Variants in GALNT13 observed in about 807,000 individuals in gnomAD.
The protein encoded by GALNT13 is UDP-GalNAc:polypeptide N-acetylgalactosaminyltransferase 13.
GALNT13 carries 28 observed loss-of-function variants against 64.2 expected under a neutral mutation model. The observed-to-expected ratio is 0.44, with a 90% CI of 0.32 to 0.60. The LOEUF is 0.60. GALNT13 is among the 20% of genes least tolerant of loss of function. The probability of loss-of-function intolerance (pLI) is 0.05; values close to 1 mark genes in which losing one functional copy is unlikely to be tolerated. For synonymous variants in GALNT13, 214 were observed against 224.6 expected, an observed-to-expected ratio of 0.95 and a Z score of 0.42; for missense variants, 577 against 669.8, an observed-to-expected ratio of 0.86 and a Z score of 1.53.
the GALNT13 span, among the ~76,000 whole-genome samples, chr2:153,305,491 C>A: frequency 6.6e-6 from 1 of 152,158 alleles, no homozygotes; most frequent in Non-Finnish European, 1.5e-5. Context: ...AATCTCTGAA[C>A]TGTAATTCAT....
chr2:153,971,130 C>G (rs1574236485), intron 3 of GALNT13, among the ~76,000 whole-genome samples: 1 of 152,142 alleles, frequency 6.6e-6, no homozygotes, highest in Non-Finnish European at 1.5e-5. Flanking sequence ...GCTAACTCTT[C>G]TGTATGTAAT....
At chr2:153,126,399 T>C in the GALNT13 span, among the ~76,000 whole-genome samples, 2 of 148,336 alleles carry the variant, frequency 1.3e-5, no homozygotes, top group African/African-American at 2.5e-5. Flanking sequence ...TATTTAATAA[T>C]AAAGAACGAA....
chr2:153,752,628 G>A, the GALNT13 span, among the ~76,000 whole-genome samples: 9 of 151,872 alleles, frequency 5.9e-5, no homozygotes, highest in Admixed American at 3.9e-4. Flanking sequence ...TTGGATCCTC[G>A]TTGTATGTTA....
chr2:153,471,947 T>C, the GALNT13 span, among the ~76,000 whole-genome samples: 113 of 152,306 alleles, frequency 7.4e-4, 1 homozygote, highest in Admixed American at 3.3e-4. Context: ...TCATTTCTAG[T>C]CTGTAGTAGA....
the GALNT13 span, among the ~76,000 whole-genome samples, chr2:153,664,520 C>T: frequency 6.6e-6 from 1 of 152,012 alleles, no homozygotes. Flanking sequence ...TCACAAGGTC[C>T]TGGGGCAACA....
chr2:153,974,401 C>T (rs186711800), intron 3 of GALNT13, among the ~76,000 whole-genome samples: 1 of 152,148 alleles, frequency 6.6e-6, no homozygotes, highest in Non-Finnish European at 1.5e-5. Flanking sequence ...TTGTGAGCCT[C>T]AGTTTTTTCA....
Position 153,996,374 on chromosome 2 carries a change from C to T in GALNT13, c.142+51735C>T, listed in dbSNP as rs149149677. Among the ~76,000 whole-genome samples the T allele has an allele frequency of 2.1e-3, 318 of 152,232 alleles. 1 individual carries two copies. Among genetic ancestry groups the T allele is most frequent in the African/African-American group, 7.6e-3 (314 of 41,566 alleles). On this transcript the variant is annotated intron_variant, in intron 3 of 12. Coordinates refer to ENST00000392825, the MANE Select transcript of GALNT13 (RefSeq NM_052917.4). ...GTATTTTTGATAATAGCTATTCTAA[C>T]TGGGATAAGGTGATATCTTATTATG... is the stretch of plus-strand genomic sequence containing the variant.
At chr2:153,240,105 C>A in the GALNT13 span, among the ~76,000 whole-genome samples, 8 of 152,232 alleles carry the variant, frequency 5.3e-5, no homozygotes, top group East Asian at 9.7e-4. Flanking sequence ...AATTTGTTGG[C>A]ATATAGTTGC....
At chr2:154,042,634 C>T (rs1411945207) in intron 3 of GALNT13, among the ~76,000 whole-genome samples, 1 of 147,412 alleles carries the variant, frequency 6.8e-6, no homozygotes, top group Non-Finnish European at 1.5e-5. Flanking sequence ...AAATGTCAGT[C>T]TTATGGCTGC....
the GALNT13 span, among the ~76,000 whole-genome samples, chr2:153,279,373 G>A: frequency 2.0e-5 from 3 of 151,930 alleles, no homozygotes; most frequent in Non-Finnish European, 2.9e-5. Flanking sequence ...GACTGCTCTG[G>A]CTAGGACTTG....
At chr2:154,086,466 T>C (rs941210675) in intron 3 of GALNT13, among the ~76,000 whole-genome samples, 2 of 149,106 alleles carry the variant, frequency 1.3e-5, no homozygotes, top group South Asian at 2.1e-4. Flanking sequence ...ATATTATTTA[T>C]ATAAATCTTA....
chr2:153,459,836 G>C, the GALNT13 span, among the ~76,000 whole-genome samples: 1 of 152,108 alleles, frequency 6.6e-6, no homozygotes, highest in Non-Finnish European at 1.5e-5. Flanking sequence ...AAGCCACATT[G>C]TGTAGAAACA....
intron 8 of GALNT13, among the ~76,000 whole-genome samples, chr2:154,298,737 A>ACATTGTATATACAAT (rs1559076134): frequency 1.2e-5 from 1 of 82,970 alleles, no homozygotes; most frequent in Non-Finnish European, 2.4e-5. Flanking sequence ...ATTTATATAT[A>ACATTGTATATACAAT]GTATATATAA....
At chr2:153,699,541 G>A in the GALNT13 span, among the ~76,000 whole-genome samples, 1 of 151,902 alleles carries the variant, frequency 6.6e-6, no homozygotes, top group Non-Finnish European at 1.5e-5. Flanking sequence ...AAAAATCAAT[G>A]AATCCAGGAG....
At chr2:154,241,311 C>G (rs1689478171) in intron 4 of GALNT13, among the ~76,000 whole-genome samples, 1 of 152,156 alleles carries the variant, frequency 6.6e-6, no homozygotes, top group Non-Finnish European at 1.5e-5. Context: ...AGGGACCACG[C>G]CCTCTTCTAC....
At chr2:153,614,041 TTGAG>T in the GALNT13 span, among the ~76,000 whole-genome samples, 5 of 151,854 alleles carry the variant, frequency 3.3e-5, no homozygotes, top group African/African-American at 9.7e-5. Flanking sequence ...AAGTGTTTTG[TTGAG>T]TATTTCCCAA....
intron 8 of GALNT13, among the ~76,000 whole-genome samples, chr2:154,279,664 T>G (rs1691851118): frequency 6.6e-6 from 1 of 152,098 alleles, no homozygotes. Context: ...TCTAAAGAAA[T>G]AAACTTTGCA....
At chr2:153,427,689 A>C in the GALNT13 span, among the ~76,000 whole-genome samples, 1 of 152,170 alleles carries the variant, frequency 6.6e-6, no homozygotes, top group Non-Finnish European at 1.5e-5. Context: ...ATGAAGTTAA[A>C]GGTATTAGAC....
At chr2:154,293,600 C>T (rs970165570) in intron 8 of GALNT13, among the ~76,000 whole-genome samples, 9 of 152,090 alleles carry the variant, frequency 5.9e-5, no homozygotes, top group African/African-American at 1.9e-4. Flanking sequence ...TTCCCACTTT[C>T]CACTGGGAAA....
Sources: gnomAD v4.1 joint callset for allele counts (sites outside exome capture counted in the v4.1 genomes callset) on GRCh38, gnomAD v4.1.1 for gene constraint, MANE v1.5 for transcripts, NCBI Gene and HGNC (gene_info 2026-07-23, HGNC 2026-07-21) for gene names.